Variants in ANKRD45 observed in about 807,000 individuals in gnomAD.
The protein encoded by ANKRD45 is ankyrin repeat domain 45, also known as ankyrin repeat domain-containing protein 45.
ANKRD45 carries 21 observed loss-of-function variants against 28.1 expected under a neutral mutation model. That is an observed-to-expected ratio of 0.75 (90% CI 0.53 to 1.08). The LOEUF (loss-of-function observed/expected upper bound fraction) is 1.08, where lower values mean the gene tolerates loss of function less well. Ranked by LOEUF, ANKRD45 falls within the 50% of genes least tolerant of loss-of-function variation. ANKRD45 has a pLI of 0.00. For missense variants in ANKRD45, 261 were observed against 308.7 expected, an observed-to-expected ratio of 0.85 and a Z score of 1.16; for synonymous variants, 86 against 103.9, an observed-to-expected ratio of 0.83 and a Z score of 1.05.
chr1:173,612,311 G>T (rs865921193), intron 5 of ANKRD45, among the ~76,000 whole-genome samples: 3 of 111,500 alleles, frequency 2.7e-5, no homozygotes, highest in Admixed American at 9.1e-5. Flanking sequence ...AAAGAAGGAA[G>T]GAAGGAAAGA....
upstream of ANKRD45, chr1:173,669,882 C>G (rs1458305748): frequency 5.9e-6 from 1 of 169,500 alleles, no homozygotes; most frequent in African/African-American, 2.4e-5. Context: ...AGCGCCTCCT[C>G]CTGCGCCGCG....
intron 1 of ANKRD45, among the ~76,000 whole-genome samples, chr1:173,664,771 T>G (rs1571783080): frequency 6.6e-6 from 1 of 152,352 alleles, no homozygotes; most frequent in East Asian, 1.9e-4. Flanking sequence ...TACATTTCTT[T>G]GTGTTACTTT....
chr1:173,616,741 AG>A (rs1346257718), intron 5 of ANKRD45, among the ~76,000 whole-genome samples: 1 of 152,206 alleles, frequency 6.6e-6, no homozygotes, highest in Non-Finnish European at 1.5e-5. Context: ...AGAGGAACTG[AG>A]ATGGCCGATT....
At chr1:173,706,301 C>A in the ANKRD45 span, among the ~76,000 whole-genome samples, 895 of 92,930 alleles carry the variant, frequency 9.6e-3, no homozygotes, top group South Asian at 0.015. Context: ...GATTCCGTCT[C>A]AAAAAAAAAA....
intron 3 of ANKRD45, among the ~76,000 whole-genome samples, chr1:173,643,937 C>A (rs1190357181): frequency 6.6e-6 from 1 of 152,170 alleles, no homozygotes; most frequent in African/African-American, 2.4e-5. Flanking sequence ...CCCTTTACCT[C>A]CGTTCCTCCT....
At chr1:173,619,506 CAGACTTT>C (rs1279414949) in intron 5 of ANKRD45, among the ~76,000 whole-genome samples, 2 of 152,122 alleles carry the variant, frequency 1.3e-5, no homozygotes, top group African/African-American at 2.4e-5. Flanking sequence ...TCTGACAAAA[CAGACTTT>C]AAACCAACAA....
the ANKRD45 span, among the ~76,000 whole-genome samples, chr1:173,691,617 C>T: frequency 6.6e-6 from 1 of 152,098 alleles, no homozygotes; most frequent in African/African-American, 2.4e-5. Flanking sequence ...AACCCCGTCT[C>T]TACTAAAAAT....
the ANKRD45 span, among the ~76,000 whole-genome samples, chr1:173,706,042 C>A: frequency 6.6e-6 from 1 of 151,992 alleles, no homozygotes; most frequent in Non-Finnish European, 1.5e-5. Flanking sequence ...CAGTGGCTCA[C>A]GCCTGTAATC....
chr1:173,688,449 CCTCTACCTCTTCCTCT>C, the ANKRD45 span, among the ~76,000 whole-genome samples: 7 of 117,596 alleles, frequency 6.0e-5, no homozygotes, highest in Non-Finnish European at 6.9e-5. Context: ...TCTGCCTCTT[CCTCTACCTCTTCCTCT>C]CTCTACCTCT....
At chr1:173,655,136 C>T (rs984016012) in intron 2 of ANKRD45, among the ~76,000 whole-genome samples, 5 of 152,154 alleles carry the variant, frequency 3.3e-5, no homozygotes, top group African/African-American at 7.2e-5. Context: ...AGCTTTGTTC[C>T]GTTGCTGGTG....
rs1213163275 is a variant in ANKRD45, at chr1:173,608,841, GGGGGA to G, written c.*1299_*1303del. ...AAGAGGAGGAGGAGAGAGAAGAGGA[GGGGGA>G]GGGGAGGGGAGAGGAAGGGAGGGGA... On this transcript the variant is annotated 3_prime_UTR_variant, in exon 6 of 6. Transcript: ENST00000333279. Among the ~76,000 whole-genome samples the G allele has an allele frequency of 1.8e-5, 2 of 110,212 alleles. No individual in the cohort carries two copies. Among genetic ancestry groups the G allele is most frequent in the African/African-American group, 5.0e-5 (1 of 19,986 alleles). The allele number at this position is 110,212 out of a possible 152,430, so 72.3% of individuals were successfully genotyped here. A position where few individuals can be genotyped will look rare whatever the true frequency, so the allele number is the denominator to read the frequency against.
At chr1:173,642,569 T>C (rs1668748396) in intron 3 of ANKRD45, among the ~76,000 whole-genome samples, 1 of 152,262 alleles carries the variant, frequency 6.6e-6, no homozygotes, top group African/African-American at 2.4e-5. Flanking sequence ...GCTAATATTC[T>C]TAAATTCTGC....
the ANKRD45 span, among the ~76,000 whole-genome samples, chr1:173,698,808 A>G: frequency 6.6e-6 from 1 of 152,208 alleles, no homozygotes; most frequent in African/African-American, 2.4e-5. Context: ...AAGGCAAGAA[A>G]TAACTAAGGT....
intron 5 of ANKRD45, among the ~76,000 whole-genome samples, chr1:173,613,590 G>A (rs1396344890): frequency 2.1e-5 from 3 of 140,458 alleles, no homozygotes; most frequent in African/African-American, 3.0e-5. Flanking sequence ...CGCCCCGTCC[G>A]GGAGGGAGGT....
intron 3 of ANKRD45, among the ~76,000 whole-genome samples, chr1:173,642,427 G>A (rs905539715): frequency 1.3e-5 from 2 of 152,070 alleles, no homozygotes; most frequent in Non-Finnish European, 2.9e-5. Flanking sequence ...GTTTAAAGAG[G>A]AATTATAAAA....
chr1:173,690,689 G>A, the ANKRD45 span, among the ~76,000 whole-genome samples: 1 of 152,156 alleles, frequency 6.6e-6, no homozygotes. Flanking sequence ...CCTATGTTTA[G>A]TCCTCTCATT....
the ANKRD45 span, among the ~76,000 whole-genome samples, chr1:173,694,725 C>G: frequency 6.6e-6 from 1 of 151,996 alleles, no homozygotes; most frequent in African/African-American, 2.4e-5. Flanking sequence ...CACTCTTCCC[C>G]CTTCAGGGTC....
chr1:173,636,824 T>C, intron 3 of ANKRD45: 1 of 1,533,328 alleles, frequency 6.5e-7, no homozygotes, highest in African/African-American at 1.4e-5. Flanking sequence ...TTTCTCCTTT[T>C]AGCTGAAAAA....
In ANKRD45 at chr1:173,649,823, T is replaced by C. The variant is rs747978517; in HGVS notation, c.329-2810A>G. Among the ~76,000 whole-genome samples, 43 of 152,160 alleles carry C rather than the reference T, an allele frequency of 2.8e-4. 1 individual carries two copies. Among genetic ancestry groups the C allele is most frequent in the Non-Finnish European group, 5.9e-5 (4 of 68,022 alleles). On this transcript the variant is annotated intron_variant, in intron 2 of 5. Transcript: ENST00000333279. ...ATTGATTTTTATGTATGGTACAAAG[T>C]AGGTATATAATTTTATTTTTTTCCA...
Sources: allele counts gnomAD v4.1 joint callset (sites outside exome capture counted in the v4.1 genomes callset), GRCh38; gene constraint gnomAD v4.1.1; transcripts MANE v1.5; gene names NCBI Gene and HGNC (gene_info 2026-07-23, HGNC 2026-07-21).